The following GRID2 variants were observed in gnomAD, a reference collection of about 807,000 sequenced individuals.
GRID2 encodes glutamate receptor ionotropic, delta-2.
In GRID2, 33 loss-of-function variants were observed where a neutral mutation model predicts 114.8. The observed-to-expected ratio is 0.29, with a 90% CI of 0.22 to 0.38. The LOEUF (loss-of-function observed/expected upper bound fraction) is 0.38. GRID2 is among the 10% of genes least tolerant of loss of function. The pLI is 1.00. For synonymous variants in GRID2, 505 were observed against 449.9 expected (o/e 1.12, Z -1.55); for missense variants, 1,184 against 1,257.7 (o/e 0.94, Z 0.89).
At chr4:93,633,082 C>A (rs1234974408) in intron 14 of GRID2, among the ~76,000 whole-genome samples, 1 of 152,050 alleles carries the variant, frequency 6.6e-6, no homozygotes, top group Non-Finnish European at 1.5e-5. Flanking sequence ...TGCATGCACA[C>A]ACATAGACAC....
At chr4:92,436,608 A>G (rs1219959825) in intron 1 of GRID2, among the ~76,000 whole-genome samples, 8 of 152,094 alleles carry the variant, frequency 5.3e-5, no homozygotes, top group Non-Finnish European at 1.2e-4. Flanking sequence ...AACAAGTGCT[A>G]TCTACTAGAA....
chr4:92,662,419 T>C (rs572443993), intron 2 of GRID2, among the ~76,000 whole-genome samples: 1 of 150,834 alleles, frequency 6.6e-6, no homozygotes, highest in South Asian at 2.1e-4. Flanking sequence ...CTGAAGACAA[T>C]AAGAAAAATT....
At chr4:93,445,744 C>G (rs1024833409) in intron 10 of GRID2, among the ~76,000 whole-genome samples, 2 of 151,734 alleles carry the variant, frequency 1.3e-5, no homozygotes, top group South Asian at 4.2e-4. Flanking sequence ...TAAGCCCTGT[C>G]GAAATATTTA....
intron 2 of GRID2, among the ~76,000 whole-genome samples, chr4:92,963,455 C>T (rs941294769): frequency 6.6e-6 from 1 of 151,988 alleles, no homozygotes; most frequent in African/African-American, 2.4e-5. Flanking sequence ...GATTCCATCT[C>T]AAGAAACCAC....
chr4:92,756,088 G>A (rs981551087), intron 2 of GRID2, among the ~76,000 whole-genome samples: 2 of 151,850 alleles, frequency 1.3e-5, no homozygotes, highest in Non-Finnish European at 2.9e-5. Context: ...CTCTTCACAC[G>A]CGTCCCCACC....
At chr4:92,456,284 T>G (rs1721212130) in intron 1 of GRID2, among the ~76,000 whole-genome samples, 1 of 152,158 alleles carries the variant, frequency 6.6e-6, no homozygotes, top group Non-Finnish European at 1.5e-5. Flanking sequence ...AACTAAATTT[T>G]CTTCCATTAT....
intron 4 of GRID2, among the ~76,000 whole-genome samples, chr4:93,179,528 C>T (rs141858219): frequency 6.6e-5 from 10 of 151,896 alleles, no homozygotes; most frequent in African/African-American, 9.7e-5. Context: ...TTATTTATCC[C>T]GAAGAAAATC....
chr4:93,202,311 A>G (rs1385131629), intron 4 of GRID2, among the ~76,000 whole-genome samples: 1 of 152,156 alleles, frequency 6.6e-6, no homozygotes, highest in Non-Finnish European at 1.5e-5. Context: ...ATGAGCTTGT[A>G]AAATATTTCT....
rs559437477 is a variant in GRID2 at position 92,879,745 on chromosome 4, G to A, written c.245-205250G>A. 2.6e-5 allele frequency among the ~76,000 whole-genome samples: 4 copies of A among 152,304 alleles called. No individual in the cohort carries two copies. In the South Asian group the frequency reaches 8.3e-4, roughly 32 times the overall value. ...AAATAAGCTTTAATCACATTCAAAT[G>A]TTTCAACACAATGTGCAGGAGAAGT... On this transcript the variant is annotated intron_variant, in intron 2 of 15. Transcript: ENST00000282020.
chr4:93,574,383 C>T (rs1736219182), intron 13 of GRID2, among the ~76,000 whole-genome samples: 1 of 152,124 alleles, frequency 6.6e-6, no homozygotes, highest in Admixed American at 6.6e-5. Context: ...TGGAATTGTA[C>T]TGAATATTGT....
At chr4:93,186,214 T>C (rs1484735034) in intron 4 of GRID2, among the ~76,000 whole-genome samples, 2 of 152,170 alleles carry the variant, frequency 1.3e-5, no homozygotes, top group Non-Finnish European at 2.9e-5. Context: ...AACATACGCA[T>C]GCGTCTTTAT....
At position 93,326,951 on chromosome 4, in the gene GRID2, T is replaced by C. The variant is rs189506075; in HGVS notation, c.1246-68656T>C. Among the ~76,000 whole-genome samples, 855 of 152,324 alleles carry C rather than the reference T, an allele frequency of 5.6e-3. 10 individuals are homozygous for C. The highest frequency in any genetic ancestry group is 0.02 in the African/African-American group (816 of 41,578). ...GTTTCTATCACATCTGTTTGCTAAA[T>C]GTACAACTATGTCTTAAGGACATTT... is the stretch of plus-strand genomic sequence containing the variant. On this transcript the variant is annotated intron_variant, in intron 8 of 15. Coordinates refer to ENST00000282020, the MANE Select transcript of GRID2 (RefSeq NM_001510.4).
chr4:92,423,711 C>A (rs1415406847), intron 1 of GRID2, among the ~76,000 whole-genome samples: 1 of 152,018 alleles, frequency 6.6e-6, no homozygotes, highest in Non-Finnish European at 1.5e-5. Context: ...ATACTTTTGG[C>A]ACTCCAGAAT....
intron 2 of GRID2, among the ~76,000 whole-genome samples, chr4:93,016,859 C>G (rs1260422854): frequency 6.6e-6 from 1 of 152,074 alleles, no homozygotes; most frequent in African/African-American, 2.4e-5. Context: ...TAAGTTATCA[C>G]ATTATTAGGT....
intron 8 of GRID2, among the ~76,000 whole-genome samples, chr4:93,268,641 G>T (rs889478972): frequency 4.6e-5 from 7 of 152,048 alleles, no homozygotes; most frequent in Non-Finnish European, 8.8e-5. Context: ...CCTCTTACAT[G>T]TTACATTTTA....
chr4:93,075,883 C>CTGTT (rs1490779668), intron 2 of GRID2, among the ~76,000 whole-genome samples: 1 of 76,606 alleles, frequency 1.3e-5, no homozygotes, highest in African/African-American at 5.3e-5. Flanking sequence ...AGTTACCTCT[C>CTGTT]TTTTTTTTTT....
At position 92,694,879 on chromosome 4, in the gene GRID2, T is replaced by G. The variant is rs527335053; in HGVS notation, c.244+104593T>G. Among the ~76,000 whole-genome samples the G allele has an allele frequency of 2.2e-4, 33 of 152,268 alleles. No individual in the cohort carries two copies. The South Asian group carries it at 6.6e-3, about 31-fold the overall frequency. ...AAACATTCAGTAAATCACCTAATGTTTATAATTTACCAAATAATCAGACCT... is the reference window on the plus strand; with the variant it reads ...AAACATTCAGTAAATCACCTAATGTGTATAATTTACCAAATAATCAGACCT... On this transcript the variant is annotated intron_variant, in intron 2 of 15. Coordinates refer to ENST00000282020, the MANE Select transcript of GRID2 (RefSeq NM_001510.4).
At chr4:92,644,581 T>C (rs1731520757) in intron 2 of GRID2, among the ~76,000 whole-genome samples, 1 of 151,766 alleles carries the variant, frequency 6.6e-6, no homozygotes. Context: ...TAGCTAGACT[T>C]GTGTTCCTTG....
At chr4:92,703,510 G>A (rs1734784899) in intron 2 of GRID2, among the ~76,000 whole-genome samples, 1 of 151,676 alleles carries the variant, frequency 6.6e-6, no homozygotes, top group Admixed American at 6.6e-5. Flanking sequence ...ATGGGCTTTG[G>A]AGACAGTGAA....
Sources: allele counts gnomAD v4.1 joint callset (sites outside exome capture counted in the v4.1 genomes callset), GRCh38; gene constraint gnomAD v4.1.1; transcripts MANE v1.5; gene names NCBI Gene and HGNC (gene_info 2026-07-23, HGNC 2026-07-21).